Variants in PPP1R1C observed in about 807,000 individuals in gnomAD.
The protein encoded by PPP1R1C is protein phosphatase 1 regulatory subunit 1C.
A neutral mutation model predicts 17.4 loss-of-function variants in PPP1R1C; 15 were observed. That is an observed-to-expected ratio of 0.86 (90% CI 0.58 to 1.33). The LOEUF is 1.33. Ranked by LOEUF, PPP1R1C falls within the 40% of genes most tolerant of loss-of-function variation. The probability of loss-of-function intolerance (pLI) is 0.00; values close to 1 mark genes in which losing one functional copy is unlikely to be tolerated. For synonymous variants in PPP1R1C, 35 were observed against 43.1 expected, an observed-to-expected ratio of 0.81 and a Z score of 0.73; for missense variants, 143 against 130.0, an observed-to-expected ratio of 1.10 and a Z score of -0.48.
At chr2:182,124,304 GTTTTTTTTTGTTT>G (rs1375738596) in intron 5 of PPP1R1C, among the ~76,000 whole-genome samples, 23,836 of 76,348 alleles carry the variant, frequency 0.31, 1,957 homozygotes, top group African/African-American at 0.37. Context: ...CTCCAGCTTT[GTTTTTTTTTGTTT>G]TTTTTTTTTG....
At position 181,961,127 on chromosome 2, in the gene PPP1R1C, TC is replaced by T. The variant is rs1684773160; in HGVS notation, n.111+6496del. 2 of 614,974 alleles carry T rather than the reference TC, an allele frequency of 3.3e-6. No homozygotes were observed. Among genetic ancestry groups the T allele is most frequent in the Non-Finnish European group, 5.9e-6 (2 of 341,034 alleles). 38.1% of individuals were successfully genotyped at this position (614,974 alleles called of 1,614,324 possible). On this transcript the variant is annotated intron_variant and non_coding_transcript_variant, in intron 1 of 5. Transcript: ENST00000464264. This position sits in a 1 kb window ranked among gnomAD's most constrained non-coding sequence, Gnocchi z 5.8. ...TAGCAGTTTTCTTGTCTTCCTTCCC[TC>T]CCTTCCTTCCTTCCTTTCACCTCTG...
intron 1 of PPP1R1C, among the ~76,000 whole-genome samples, chr2:181,956,143 G>A (rs796213289): frequency 1.6e-4 from 24 of 152,160 alleles, no homozygotes; most frequent in Admixed American, 1.2e-3. Context: ...GTGAGAACAT[G>A]TGGTGTTTGG....
In PPP1R1C at chr2:181,962,287, G is replaced by C; in HGVS notation, n.111+7653G>C. ...CTGCCAGACCCCCGGCCATCCCCGC[G>C]GCCAGGTCCCCGGACCCCATGCCAC... On this transcript the variant is annotated intron_variant and non_coding_transcript_variant, in intron 1 of 5. Transcript: ENST00000464264. The surrounding 1 kb of genome is among the most constrained non-coding windows in gnomAD (Gnocchi z 6.0). 1.3e-6 allele frequency: 1 copy of C among 751,064 alleles called. No homozygotes were observed. The highest frequency in any genetic ancestry group is 2.3e-6 in the Non-Finnish European group (1 of 431,200). The allele number at this position is 751,064 out of a possible 1,614,324, so 46.5% of individuals were successfully genotyped here.
rs925299651 is a variant in PPP1R1C, at chr2:181,962,295, C to A, written n.111+7661C>A. On this transcript the variant is annotated intron_variant and non_coding_transcript_variant, in intron 1 of 5. Coordinates refer to the PPP1R1C transcript ENST00000464264. The surrounding 1 kb of genome is among the most constrained non-coding windows in gnomAD (Gnocchi z 6.0). ...CCCCCGGCCATCCCCGCGGCCAGGT[C>A]CCCGGACCCCATGCCACCCCGGAAG... 4 of 774,780 alleles carry A rather than the reference C, an allele frequency of 5.2e-6. No individual in the cohort carries two copies. Among genetic ancestry groups the A allele is most frequent in the South Asian group, 1.5e-5 (1 of 65,982 alleles). The allele number at this position is 774,780 out of a possible 1,614,324, so 48.0% of individuals were successfully genotyped here. A position where few individuals can be genotyped will look rare whatever the true frequency, so the allele number is the denominator to read the frequency against.
At chr2:182,037,449 T>C (rs1040348528) in intron 2 of PPP1R1C, among the ~76,000 whole-genome samples, 2 of 151,986 alleles carry the variant, frequency 1.3e-5, no homozygotes, top group Non-Finnish European at 2.9e-5. Context: ...TAGCTGGGTG[T>C]GGTGGTGGGT....
rs555112342 is a variant in PPP1R1C, at chr2:182,061,466, A to T, written c.167A>T (p.Asn56Ile). The change falls in exon 3 of 5, where the codon AAC becomes ATC. Residue 56 changes from asparagine (N) to isoleucine (I), a missense_variant. Asn to Ile is a moderately radical substitution (Grantham distance 149, BLOSUM62 -3). Coordinates refer to ENST00000682840, the MANE Select transcript of PPP1R1C (RefSeq NM_001080545.3). ...PPEIDDKRGP[N>I]TQGELQNASP... is the part of the protein sequence containing the mutation. Reference sequence around the variant, plus strand: ...GAAATAGATGACAAGAGGGGGCCCAACACACAAGGGGAAGTAAGTTTTTAA... The same window carrying T: ...GAAATAGATGACAAGAGGGGGCCCATCACACAAGGGGAAGTAAGTTTTTAA... The T allele has an allele frequency of 6.8e-7, 1 of 1,472,336 alleles. No individual in the cohort carries two copies. The highest frequency in any genetic ancestry group is 1.5e-5 in the African/African-American group (1 of 67,580). 91.2% of individuals were successfully genotyped at this position (1,472,336 alleles called of 1,614,324 possible). A position where few individuals can be genotyped will look rare whatever the true frequency, so the allele number is the denominator to read the frequency against.
Position 182,025,196 on chromosome 2 carries a change from A to ATTAT in PPP1R1C, c.143-36227_143-36224dup, listed in dbSNP as rs529485431. 1.8e-3 allele frequency among the ~76,000 whole-genome samples: 266 copies of ATTAT among 145,786 alleles called. 1 individual carries two copies. Among genetic ancestry groups the ATTAT allele is most frequent in the African/African-American group, 5.5e-3 (213 of 38,786 alleles). ...TAAAATTATTATTATTATTATTATT[A>ATTAT]TTATTTATTTATTTATTTATTTTTA... is the stretch of plus-strand genomic sequence containing the variant. On this transcript the variant is annotated intron_variant, in intron 2 of 4. Transcript: ENST00000682840.
intron 4 of PPP1R1C, among the ~76,000 whole-genome samples, chr2:182,102,248 G>A (rs1689116448): frequency 6.6e-6 from 1 of 152,130 alleles, no homozygotes; most frequent in Admixed American, 6.6e-5. Flanking sequence ...AACTCACCTG[G>A]AGATAGCATC....
chr2:181,963,383 G>A (rs1229935177), intron 1 of PPP1R1C, among the ~76,000 whole-genome samples: 1 of 152,224 alleles, frequency 6.6e-6, no homozygotes, highest in Non-Finnish European at 1.5e-5. Context: ...GCTTACGCCT[G>A]TAATCCCAGC....
intron 2 of PPP1R1C, among the ~76,000 whole-genome samples, chr2:182,048,228 GT>G (rs1687400647): frequency 6.6e-6 from 1 of 152,068 alleles, no homozygotes; most frequent in Admixed American, 6.6e-5. Flanking sequence ...GGTGGTTTCA[GT>G]TTGGGCCCCA....
At chr2:182,000,900 A>G (rs1685741627) in intron 2 of PPP1R1C, among the ~76,000 whole-genome samples, 1 of 152,196 alleles carries the variant, frequency 6.6e-6, no homozygotes, top group South Asian at 2.1e-4. Context: ...ATCCATGTAT[A>G]TGAGGCCTTA....
intron 2 of PPP1R1C, among the ~76,000 whole-genome samples, chr2:182,012,992 ATTG>A (rs1686137728): frequency 6.6e-6 from 1 of 152,082 alleles, no homozygotes; most frequent in Non-Finnish European, 1.5e-5. Context: ...GTATTTAAAA[ATTG>A]TTGTAATTAT....
At position 181,964,062 on chromosome 2, in the gene PPP1R1C, T is replaced by C. The variant is rs149316193; in HGVS notation, n.111+9428T>C. On this transcript the variant is annotated intron_variant and non_coding_transcript_variant, in intron 1 of 5. Transcript: ENST00000464264. ...CAAATACCAGATCTTATTTATTCTA[T>C]ATAAATATATTTTTGTACGCATTAA... Among the ~76,000 whole-genome samples, 47 of 152,310 alleles carry C rather than the reference T, an allele frequency of 3.1e-4. No homozygotes were observed. In the East Asian group the frequency reaches 8.5e-3, roughly 27 times the overall value.
chr2:182,090,415 A>T (rs185675650), intron 4 of PPP1R1C, among the ~76,000 whole-genome samples: 67 of 152,042 alleles, frequency 4.4e-4, no homozygotes, highest in Non-Finnish European at 7.5e-4. Context: ...GGCTGTGGGG[A>T]GGTAATTGGT....
intron 2 of PPP1R1C, among the ~76,000 whole-genome samples, chr2:182,037,285 C>A (rs567055713): frequency 6.6e-6 from 1 of 152,288 alleles, no homozygotes; most frequent in African/African-American, 2.4e-5. Flanking sequence ...AGACTTGAAT[C>A]TAAGTTCAGT....
At chr2:182,035,031 T>C (rs534341096) in intron 2 of PPP1R1C, among the ~76,000 whole-genome samples, 1 of 152,362 alleles carries the variant, frequency 6.6e-6, no homozygotes, top group Admixed American at 6.5e-5. Context: ...TCCCAATACC[T>C]AGCCCAGTGC....
At chr2:182,076,192 CTTTTCTTTTTTT>C (rs1688297353) in intron 4 of PPP1R1C, among the ~76,000 whole-genome samples, 1 of 25,838 alleles carries the variant, frequency 3.9e-5, no homozygotes, top group African/African-American at 1.6e-4. Context: ...TTTTTTTTTT[CTTTTCTTTTTTT>C]TTTTTTTTTT....
exon 2 of PPP1R1C, chr2:181,975,232 T>G (rs1008736739): frequency 4.0e-5 from 6 of 151,016 alleles, no homozygotes; most frequent in Admixed American, 1.3e-4. Flanking sequence ...GTTTTCTCTC[T>G]TCAAGATTCT....
In PPP1R1C at chr2:181,976,038, G is replaced by T. The variant is rs1418263995; in HGVS notation, n.157+774G>T. Among the ~76,000 whole-genome samples the T allele has an allele frequency of 6.6e-6, 1 of 151,764 alleles. No homozygotes were observed. Among genetic ancestry groups the T allele is most frequent in the Non-Finnish European group, 1.5e-5 (1 of 67,908 alleles). ...ATTTAAAATTATCTTTGTTATTCTG[G>T]CTCTTAATTTTTTATTAAAAAATTC... On this transcript the variant is annotated intron_variant and non_coding_transcript_variant, in intron 2 of 5. Coordinates refer to the PPP1R1C transcript ENST00000464264. The surrounding 1 kb of genome is among the most constrained non-coding windows in gnomAD (Gnocchi z 4.8).
Sources: allele counts gnomAD v4.1 joint callset (sites outside exome capture counted in the v4.1 genomes callset), GRCh38; gene constraint gnomAD v4.1.1; non-coding constraint Gnocchi (gnomAD v3.1); transcripts MANE v1.5; gene names NCBI Gene and HGNC (gene_info 2026-07-23, HGNC 2026-07-21).